DHX8: variants seen among roughly 807,000 people sequenced by gnomAD.
DHX8 encodes DEAH-box helicase 8.
Under a neutral mutation model 140.7 loss-of-function variants are expected in DHX8, and 67 were observed. The observed-to-expected ratio is 0.48, with a 90% CI of 0.39 to 0.58. DHX8 has a LOEUF of 0.58. DHX8 is among the 20% of genes least tolerant of loss of function. The pLI, the probability that DHX8 is intolerant of heterozygous loss-of-function variation, is 0.00. For missense variants in DHX8, 887 were observed against 1,550.7 expected (o/e 0.57, Z 7.19); for synonymous variants, 533 against 553.2 (o/e 0.96, Z 0.51).
chr17:43,492,608 A>C, intron 5 of DHX8, 73 bp from the exon 6 acceptor site: 1 of 876,836 alleles, frequency 1.1e-6, no homozygotes, highest in Non-Finnish European at 1.9e-6. Flanking sequence ...ATGGCACTGT[A>C]CTGGGTGCTT....
At chr17:43,533,016 T>C in intron 2 of DHX8, 2 of 1,516,214 alleles carry the variant, frequency 1.3e-6, no homozygotes, top group Non-Finnish European at 1.8e-6. Context: ...CTCCTAGGCT[T>C]TTAGAGTGGG....
chr17:43,533,942 C>G, intron 2 of DHX8: 3 of 1,549,650 alleles, frequency 1.9e-6, no homozygotes, highest in Non-Finnish European at 2.6e-6. Context: ...TGCGGGGACT[C>G]TGGGGCTCCT....
At position 43,484,058 on chromosome 17, in the gene DHX8, G is replaced by T. The variant is rs1385246996; in HGVS notation, c.21G>T (p.Met7Ile). 1 of 1,614,172 alleles carries T rather than the reference G, an allele frequency of 6.2e-7. No homozygotes were observed. The highest frequency in any genetic ancestry group is 1.3e-5 in the African/African-American group (1 of 75,052). The change falls in exon 1 of 23, where the codon ATG becomes ATT. Residue 7 changes from methionine to isoleucine, a missense_variant. Met to Ile is a conservative substitution (Grantham distance 10, BLOSUM62 1). This residue lies in a region of DHX8 where 32 missense variants were observed against 25.1 expected (regional missense o/e 1.28). Coordinates refer to ENST00000262415, the MANE Select transcript of DHX8 (RefSeq NM_004941.3). Reference sequence around the variant, plus strand: ...TAGCCATGGCTGTGGCTGTAGCCATGGCGGGAGCCTTAATCGGGTCGGAGC... The same window carrying T: ...TAGCCATGGCTGTGGCTGTAGCCATTGCGGGAGCCTTAATCGGGTCGGAGC... MAVAVA[M>I]AGALIGSEPG...
intron 4 of DHX8, among the ~76,000 whole-genome samples, chr17:43,491,854 A>C (rs1421817971): frequency 6.6e-6 from 1 of 152,224 alleles, no homozygotes; most frequent in Non-Finnish European, 1.5e-5. Context: ...AGGGAGGAAG[A>C]GTGCAGAGGG....
downstream of DHX8, chr17:43,527,856 G>A (rs1286409503): frequency 1.3e-5 from 3 of 230,186 alleles, no homozygotes; most frequent in Non-Finnish European, 2.6e-5. Flanking sequence ...TGGGAGAAGT[G>A]GGGGCCTTTA....
In DHX8 at chr17:43,507,196, A is replaced by G; in HGVS notation, c.1922A>G (p.Glu641Gly). ...GAGTTTGGTTGTTGCTTAGGCCAAG[A>G]GGTAAGTAGATAGTGGAGTCGCTCG... ...SEEFGCCLGQEVGYTIRFEDC... is the reference protein window; with the variant it reads ...SEEFGCCLGQGVGYTIRFEDC... Residue 641 changes from glutamate (E) to glycine (G), a missense_variant and splice_region_variant, in exon 13 of 23, where the codon GAG becomes GGG. Around this residue, in one of 9 missense-constraint regions of DHX8, gnomAD observed 178 missense variants for 398.5 expected, o/e 0.45. Transcript: ENST00000262415. 1.2e-6 allele frequency: 2 copies of G among 1,609,300 alleles called. No individual in the cohort carries two copies. The highest frequency in any genetic ancestry group is 1.7e-6 in the Non-Finnish European group (2 of 1,177,496).
chr17:43,530,445 G>A (rs1438605445), downstream of DHX8: 2 of 1,369,654 alleles, frequency 1.5e-6, no homozygotes, highest in South Asian at 1.6e-5. Flanking sequence ...CTGTTCTGAA[G>A]GGCCCAAGCT....
At chr17:43,540,800 G>A (rs936498613) in intron 3 of DHX8, among the ~76,000 whole-genome samples, 1 of 152,186 alleles carries the variant, frequency 6.6e-6, no homozygotes, top group Non-Finnish European at 1.5e-5. Flanking sequence ...GTGGCAGGAA[G>A]CTGGGGTGAT....
intron 1 of DHX8, among the ~76,000 whole-genome samples, 172 bp downstream of exon 1, chr17:43,484,357 G>A (rs1598107297): frequency 6.6e-6 from 1 of 152,288 alleles, no homozygotes; most frequent in South Asian, 2.1e-4. Context: ...CGGCTTGAGA[G>A]CCCTCGAGAA....
At chr17:43,508,149 C>T in intron 15 of DHX8, 130 bp downstream of exon 15, 1 of 1,150,342 alleles carries the variant, frequency 8.7e-7, no homozygotes, top group Non-Finnish European at 1.2e-6. Flanking sequence ...CTCTGCAAGC[C>T]TCAGGCTTGT....
chr17:43,503,704 AACAG>A (rs1440439971), intron 11 of DHX8, among the ~76,000 whole-genome samples: 7 of 151,956 alleles, frequency 4.6e-5, no homozygotes, highest in Admixed American at 4.6e-4. Context: ...AACCAGGCAC[AACAG>A]ACCACATATT....
chr17:43,527,055 T>A (rs577419849), downstream of DHX8, among the ~76,000 whole-genome samples: 1 of 152,108 alleles, frequency 6.6e-6, no homozygotes, highest in Non-Finnish European at 1.5e-5. Flanking sequence ...GCGGTTTACA[T>A]AGCAGCTGGC....
chr17:43,522,141 C>T lies in DHX8; in HGVS notation c.3358C>T (p.Pro1120Ser). The change falls in exon 22 of 23, where the codon CCG becomes TCG. Residue 1120 changes from proline to serine, a missense_variant. Transcript: ENST00000262415. ...GFFRNAAKKD[P>S]QEGYRTLIDQ... is the part of the protein sequence containing the mutation. ...CTTCCGTAATGCTGCCAAGAAAGAC[C>T]CGCAGGAGGGTTACCGGACACTGAT... 4.3e-6 allele frequency: 7 copies of T among 1,614,092 alleles called. No individual in the cohort carries two copies. The highest frequency in any genetic ancestry group is 1.1e-5 in the South Asian group (1 of 91,072).
chr17:43,493,621 T>G, intron 7 of DHX8, 32 bp downstream of exon 7: 1 of 1,614,072 alleles, frequency 6.2e-7, no homozygotes, highest in Non-Finnish European at 8.5e-7. Context: ...TTCTTACATG[T>G]GATGGCCAAG....
At position 43,521,476 on chromosome 17, in the gene DHX8, C is replaced by T; in HGVS notation, c.3174C>T (p.Ser1058=). 3 of 1,613,930 alleles carry T rather than the reference C, an allele frequency of 1.9e-6. No homozygotes were observed. The highest frequency in any genetic ancestry group is 2.5e-6 in the Non-Finnish European group (3 of 1,179,996). ...ACTCCTGGAAGAACAACAAGTTCTC[C>T]AACCCATGGTGCTATGAGAACTTTA... is the stretch of plus-strand genomic sequence containing the variant. The part of the protein sequence containing the change: ...VYNSWKNNKF[S]NPWCYENFIQ... Residue 1058 remains serine (S), a synonymous_variant, in exon 21 of 23, where the codon TCC becomes TCT. Coordinates refer to ENST00000262415, the MANE Select transcript of DHX8 (RefSeq NM_004941.3).
At chr17:43,506,394 G>A (rs1380232307) in intron 12 of DHX8, among the ~76,000 whole-genome samples, 1 of 151,562 alleles carries the variant, frequency 6.6e-6, no homozygotes, top group Non-Finnish European at 1.5e-5. Context: ...CAAGGCGGGC[G>A]GATCACCTGA....
In DHX8 at chr17:43,525,150, G is replaced by A. The variant is rs1971; in HGVS notation, c.*1303G>A. On this transcript the variant is annotated 3_prime_UTR_variant, in exon 23 of 23. Transcript: ENST00000262415. ...GGCAGGTCTTGCCAGGCCAGGTTTC[G>A]GAACTTACGGAAAGCTGGTCTGGAT... 275,605 of 985,124 alleles carry A rather than the reference G, an allele frequency of 0.28. 39,385 individuals carry two copies. The highest frequency in any genetic ancestry group is 0.41 in the African/African-American group (23,695 of 57,210). 61.0% of individuals were successfully genotyped at this position (985,124 alleles called of 1,614,324 possible). A position where few individuals can be genotyped will look rare whatever the true frequency, so the allele number is the denominator to read the frequency against.
At chr17:43,485,271 C>T (rs948265031) in intron 1 of DHX8, among the ~76,000 whole-genome samples, 1 of 152,012 alleles carries the variant, frequency 6.6e-6, no homozygotes. Context: ...AGTCATCAAC[C>T]GGAGGGATGG....
intron 16 of DHX8, among the ~76,000 whole-genome samples, chr17:43,510,070 T>C (rs540313864): frequency 7.4e-5 from 11 of 148,788 alleles, no homozygotes; most frequent in African/African-American, 2.5e-4. Flanking sequence ...TGTTTTGAGA[T>C]GGAGTTTCGC....
Sources: allele counts gnomAD v4.1 joint callset (sites outside exome capture counted in the v4.1 genomes callset), GRCh38; gene constraint gnomAD v4.1.1; regional missense constraint gnomAD v4.1.1; transcripts MANE v1.5; gene names NCBI Gene and HGNC (gene_info 2026-07-23, HGNC 2026-07-21).